VPS50: variants seen among roughly 807,000 people sequenced by gnomAD.
The protein encoded by VPS50 is VPS50 subunit of EARP/GARPII complex.
A neutral mutation model predicts 139.7 loss-of-function variants in VPS50; 70 were observed. The observed-to-expected ratio is 0.50, with a 90% CI of 0.41 to 0.61. The LOEUF (loss-of-function observed/expected upper bound fraction) is 0.61. Among genes scored for constraint, VPS50 ranks in the 20% least tolerant of loss-of-function variants. The pLI is 0.00. For synonymous variants in VPS50, 365 were observed against 376.7 expected (o/e 0.97, Z 0.36); for missense variants, 921 against 1,133.7 (o/e 0.81, Z 2.69).
intron 20 of VPS50, among the ~76,000 whole-genome samples, chr7:93,318,341 G>T (rs1237176731): frequency 6.6e-6 from 1 of 152,160 alleles, no homozygotes; most frequent in East Asian, 1.9e-4. Flanking sequence ...AGGCACTTAG[G>T]TAATGGACTT....
intron 11 of VPS50, among the ~76,000 whole-genome samples, chr7:93,275,190 A>G (rs1367813024): frequency 6.6e-6 from 1 of 152,188 alleles, no homozygotes; most frequent in Non-Finnish European, 1.5e-5. Flanking sequence ...TGCCATGAAC[A>G]TTGTTGAAAT....
chr7:93,271,624 G>A (rs1372178444), intron 10 of VPS50, among the ~76,000 whole-genome samples: 2 of 151,640 alleles, frequency 1.3e-5, no homozygotes, highest in Non-Finnish European at 3.0e-5. Context: ...TTACCTGTAA[G>A]TAATTATTGG....
At chr7:93,236,262 C>G (rs1584369879) in intron 1 of VPS50, among the ~76,000 whole-genome samples, 1 of 152,160 alleles carries the variant, frequency 6.6e-6, no homozygotes, top group Non-Finnish European at 1.5e-5. Context: ...GCCCCAACTA[C>G]AGCAGTTTTC....
chr7:93,257,999 G>A (rs1037990042), intron 6 of VPS50, 160 bp from the exon 7 acceptor site: 1 of 548,206 alleles, frequency 1.8e-6, no homozygotes, highest in Non-Finnish European at 3.2e-6. Context: ...AGTAATGCTG[G>A]TTTAGACTGG....
intron 13 of VPS50, among the ~76,000 whole-genome samples, chr7:93,292,754 A>G (rs1229404140): frequency 6.6e-6 from 1 of 152,140 alleles, no homozygotes; most frequent in Non-Finnish European, 1.5e-5. Flanking sequence ...GTCTTGACTT[A>G]CAAGAAGCTT....
intron 9 of VPS50, among the ~76,000 whole-genome samples, chr7:93,266,850 A>G (rs1426766594): frequency 6.6e-6 from 1 of 152,194 alleles, no homozygotes; most frequent in African/African-American, 2.4e-5. Context: ...TAACTTTTAT[A>G]TATGTATTTT....
chr7:93,297,117 A>G (rs1796833556), intron 15 of VPS50, 28 bp from the exon 16 acceptor site: 1 of 1,545,588 alleles, frequency 6.5e-7, no homozygotes, highest in Admixed American at 2.4e-5. Context: ...TGCTGCTGAA[A>G]TTTACTGAAA....
rs764982937 is a variant in VPS50, at chr7:93,358,435, A to T, written c.2894A>T (p.Ter965LeuextTer1). ...GATGATATAGACAGACCTAAAAGAT[A>T]ATGAACACAGCTCTCTTTCCTCAAT... ...AIDDIDRPKR* is the reference protein window; with the variant it reads ...AIDDIDRPKRL The change falls in exon 28 of 28, where the codon TAA (stop) becomes TTA (leucine). Residue 965 changes from the stop codon to leucine, a stop_lost. Coordinates refer to ENST00000305866, the MANE Select transcript of VPS50 (RefSeq NM_017667.4). The T allele has an allele frequency of 6.2e-7, 1 of 1,610,758 alleles. No homozygotes were observed. The highest frequency in any genetic ancestry group is 1.1e-5 in the South Asian group (1 of 90,814).
chr7:93,328,429 T>A (rs1797844819), intron 21 of VPS50, among the ~76,000 whole-genome samples: 1 of 152,174 alleles, frequency 6.6e-6, no homozygotes, highest in Non-Finnish European at 1.5e-5. Flanking sequence ...CCTATATAAA[T>A]AGGTATCTAT....
intron 25 of VPS50, among the ~76,000 whole-genome samples, chr7:93,352,554 T>C (rs1300279982): frequency 2.0e-5 from 3 of 152,178 alleles, no homozygotes; most frequent in Non-Finnish European, 4.4e-5. Flanking sequence ...AAACATTGTG[T>C]AGCTTCTCTA....
rs774070732 is a variant in VPS50, at chr7:93,258,259, A to G, written c.523A>G (p.Arg175Gly). Residue 175 changes from arginine (R) to glycine (G), a missense_variant, in exon 7 of 28, where the codon AGA becomes GGA. This residue lies in a region of VPS50 where 744 missense variants were observed against 930.6 expected (regional missense o/e 0.80). Coordinates refer to ENST00000305866, the MANE Select transcript of VPS50 (RefSeq NM_017667.4). ...QLLIGLLKSL[R>G]TIKTLQRTDV... ...GCTGATTGGACTTCTGAAATCTCTG[A>G]GAACTATAAAAACATTGGTATATAT... 4.4e-6 allele frequency: 7 copies of G among 1,588,188 alleles called. No homozygotes were observed. The highest frequency in any genetic ancestry group is 6.1e-6 in the Non-Finnish European group (7 of 1,156,822).
At chr7:93,308,965 G>T in intron 19 of VPS50, 23 bp downstream of exon 19, 1 of 1,217,036 alleles carries the variant, frequency 8.2e-7, no homozygotes, top group South Asian at 1.2e-5. Context: ...AAATTGTGTG[G>T]TATTTAGCAT....
chr7:93,316,853 A>G (rs144605478), intron 20 of VPS50, among the ~76,000 whole-genome samples: 231 of 152,334 alleles, frequency 1.5e-3, no homozygotes, highest in African/African-American at 5.2e-3. Flanking sequence ...CTGATTTTCT[A>G]TGAACTCAAA....
intron 22 of VPS50, chr7:93,340,651 G>C (rs4729081): frequency 1.1e-4 from 17 of 152,028 alleles, no homozygotes; most frequent in Non-Finnish European, 2.1e-4. Context: ...CAAGGCATTC[G>C]TTGCCTGGCA....
chr7:93,245,215 T>A (rs1179590398), intron 2 of VPS50, among the ~76,000 whole-genome samples: 3 of 151,716 alleles, frequency 2.0e-5, no homozygotes, highest in African/African-American at 7.3e-5. Context: ...GGGTGAGTTG[T>A]TGAGTAGAGG....
At chr7:93,290,978 C>T (rs766533258) in intron 12 of VPS50, among the ~76,000 whole-genome samples, 3 of 151,828 alleles carry the variant, frequency 2.0e-5, no homozygotes, top group Non-Finnish European at 4.4e-5. Flanking sequence ...AAGTTGTAGT[C>T]GATTGATCAC....
At chr7:93,312,811 A>G (rs1562881787) in intron 20 of VPS50, among the ~76,000 whole-genome samples, 2 of 151,948 alleles carry the variant, frequency 1.3e-5, no homozygotes, top group South Asian at 4.1e-4. Flanking sequence ...TTCAGGCTCC[A>G]TGGGCTCAGT....
At chr7:93,277,768 A>C (rs1222054011) in intron 12 of VPS50, among the ~76,000 whole-genome samples, 2 of 152,170 alleles carry the variant, frequency 1.3e-5, no homozygotes, top group Non-Finnish European at 2.9e-5. Flanking sequence ...TTAAATGTTC[A>C]GTTTTAGGTA....
chr7:93,310,732 T>C (rs1261373348), intron 19 of VPS50, among the ~76,000 whole-genome samples: 1 of 152,032 alleles, frequency 6.6e-6, no homozygotes, highest in Non-Finnish European at 1.5e-5. Context: ...TTTTCTGTGC[T>C]GACCATATAG....
Sources: gnomAD v4.1 joint callset for allele counts (sites outside exome capture counted in the v4.1 genomes callset) on GRCh38, gnomAD v4.1.1 for gene constraint, gnomAD v4.1.1 regional missense constraint, MANE v1.5 for transcripts, NCBI Gene and HGNC (gene_info 2026-07-23, HGNC 2026-07-21) for gene names.